Variants in SRGAP3 observed in about 807,000 individuals in gnomAD.
SRGAP3 encodes SLIT-ROBO Rho GTPase-activating protein 3.
A neutral mutation model predicts 121.1 loss-of-function variants in SRGAP3; 39 were observed. The observed-to-expected ratio is 0.32, with a 90% CI of 0.25 to 0.42. The LOEUF is 0.42. Among genes scored for constraint, SRGAP3 ranks in the 10% least tolerant of loss-of-function variants. The pLI is 1.00. For synonymous variants in SRGAP3, 601 were observed against 570.0 expected (o/e 1.05, Z -0.77); for missense variants, 1,213 against 1,470.6 (o/e 0.82, Z 2.86).
chr3:9,224,166 G>A lies in SRGAP3; in HGVS notation c.67+24719C>T, dbSNP rs181168578. Among the ~76,000 whole-genome samples, 8 of 152,198 alleles carry A rather than the reference G, an allele frequency of 5.3e-5. No individual in the cohort carries two copies. The East Asian group carries it at 7.7e-4, about 15-fold the overall frequency. ...ACAGCAACAGTCAGGTTTCGTCACC[G>A]AGTGCTACCCAAGCCAAGTTAATAG... On this transcript the variant is annotated intron_variant, in intron 1 of 21. Coordinates refer to ENST00000383836, the MANE Select transcript of SRGAP3 (RefSeq NM_014850.4).
At chr3:9,207,900 ATTG>A (rs1330714868) in intron 1 of SRGAP3, among the ~76,000 whole-genome samples, 1 of 152,102 alleles carries the variant, frequency 6.6e-6, no homozygotes, top group African/African-American at 2.4e-5. Flanking sequence ...CATGAGGGAT[ATTG>A]TTGTTGTTGC....
chr3:9,009,272 C>T (rs914460384), intron 18 of SRGAP3, among the ~76,000 whole-genome samples: 2 of 152,046 alleles, frequency 1.3e-5, no homozygotes, highest in Non-Finnish European at 2.9e-5. Flanking sequence ...ATGTGGTGGC[C>T]AACGTGTCCT....
intron 1 of SRGAP3, among the ~76,000 whole-genome samples, chr3:9,231,186 A>G (rs919397230): frequency 6.6e-6 from 1 of 152,234 alleles, no homozygotes; most frequent in African/African-American, 2.4e-5. Flanking sequence ...CTTTTGTCCA[A>G]GGAGCTCAGA....
chr3:9,067,049 G>A (rs1411577537), intron 4 of SRGAP3, among the ~76,000 whole-genome samples: 1 of 152,092 alleles, frequency 6.6e-6, no homozygotes, highest in African/African-American at 2.4e-5. Context: ...TGCTTGTTAT[G>A]AGCACTAAAT....
At chr3:9,004,864 G>T (rs183214041) in intron 18 of SRGAP3, among the ~76,000 whole-genome samples, 38 of 152,140 alleles carry the variant, frequency 2.5e-4, no homozygotes, top group Non-Finnish European at 4.1e-4. Context: ...TTCGGCAAAG[G>T]CCTCTTAGAT....
At chr3:9,273,851 T>C (rs1215297768) in intron 3 of SRGAP3, among the ~76,000 whole-genome samples, 1 of 152,200 alleles carries the variant, frequency 6.6e-6, no homozygotes, top group East Asian at 1.9e-4. Context: ...AAAAGATTAT[T>C]CTGTCTCCAC....
intron 2 of SRGAP3, among the ~76,000 whole-genome samples, chr3:9,107,162 T>C (rs1213343708): frequency 3.3e-5 from 5 of 152,200 alleles, no homozygotes; most frequent in African/African-American, 7.2e-5. Flanking sequence ...GCTTATAGCC[T>C]AGAGTAAAAG....
intron 1 of SRGAP3, among the ~76,000 whole-genome samples, chr3:9,208,767 T>C (rs1952347830): frequency 6.6e-6 from 1 of 152,218 alleles, no homozygotes; most frequent in Non-Finnish European, 1.5e-5. Flanking sequence ...TAATGTGAGT[T>C]TGAATCCCAT....
chr3:9,035,688 A>G, intron 11 of SRGAP3: 2 of 171,380 alleles, frequency 1.2e-5, no homozygotes, highest in East Asian at 2.2e-4. Context: ...GAAACCAGAG[A>G]CCAATGTCCC....
intron 2 of SRGAP3, among the ~76,000 whole-genome samples, chr3:9,328,416 G>A (rs1344158799): frequency 6.6e-6 from 1 of 152,198 alleles, no homozygotes; most frequent in Non-Finnish European, 1.5e-5. Context: ...GGTCTGTAGT[G>A]CCTCCTGTTT....
intron 14 of SRGAP3, among the ~76,000 whole-genome samples, chr3:9,017,231 AT>A (rs899541896): frequency 1.2e-4 from 18 of 151,916 alleles, no homozygotes; most frequent in African/African-American, 3.6e-4. Context: ...TAGAACTAGA[AT>A]TTTTTTTCAT....
In SRGAP3 at chr3:9,080,009, C is replaced by T. The variant is rs1230880936; in HGVS notation, c.486+16G>A. The T allele has an allele frequency of 1.2e-6, 2 of 1,613,988 alleles. No individual in the cohort carries two copies. On this transcript the variant is annotated intron_variant, in intron 4 of 21. Transcript: ENST00000383836. ...GACCCAATCCCAAAACAGCAGTGAG[C>T]CTGGGCAGAACTTACTGTGTAGAGC...
At position 9,181,743 on chromosome 3, in the gene SRGAP3, G is replaced by A. The variant is rs78799939; in HGVS notation, c.68-56826C>T. ...AAGTTATCATTTTTTAAAGGCCCAC[G>A]TGATTAGATAGGGACCGCTAGATAA... is the stretch of plus-strand genomic sequence containing the variant. On this transcript the variant is annotated intron_variant, in intron 1 of 21. Coordinates refer to ENST00000383836, the MANE Select transcript of SRGAP3 (RefSeq NM_014850.4). 1.6e-3 allele frequency among the ~76,000 whole-genome samples: 237 copies of A among 152,238 alleles called. 1 individual carries two copies. The highest frequency in any genetic ancestry group is 5.0e-3 in the African/African-American group (209 of 41,524).
Position 9,303,438 on chromosome 3 carries a change from A to G in SRGAP3, n.442+22572T>C, listed in dbSNP as rs1291863369. Among the ~76,000 whole-genome samples, 6 of 152,142 alleles carry G rather than the reference A, an allele frequency of 3.9e-5. No homozygotes were observed. In the East Asian group the frequency reaches 1.2e-3, roughly 29 times the overall value. On this transcript the variant is annotated intron_variant and non_coding_transcript_variant, in intron 3 of 3. Coordinates refer to the SRGAP3 transcript ENST00000490889. ...AGACTCCATCTCAAAAAAAAAAAAA[A>G]AAGAACACTTAACATAAGACCTACC...
At position 9,032,767 on chromosome 3, in the gene SRGAP3, A is replaced by G. The variant is rs1449693875; in HGVS notation, c.1437-15T>C. On this transcript the variant is annotated splice_polypyrimidine_tract_variant and intron_variant, in intron 11 of 21. Transcript: ENST00000383836. ...GACAGGGGGGCCTAGGGGAAAACGGAACAAAAGAAATCAAGAAAGCAACCA... is the reference window on the plus strand; with the variant it reads ...GACAGGGGGGCCTAGGGGAAAACGGGACAAAAGAAATCAAGAAAGCAACCA... 1 of 1,609,804 alleles carries G rather than the reference A, an allele frequency of 6.2e-7. No homozygotes were observed. Among genetic ancestry groups the G allele is most frequent in the South Asian group, 1.1e-5 (1 of 90,970 alleles).
At chr3:9,065,557 G>A (rs1007187372) in intron 4 of SRGAP3, 2 of 152,184 alleles carry the variant, frequency 1.3e-5, no homozygotes, top group African/African-American at 4.8e-5. Context: ...GATTGGTTTT[G>A]TGTGTTCTAG....
chr3:9,248,967 A>G lies in SRGAP3; in HGVS notation c.-16T>C. ...GAGATGACATCTTCTGACGTGGCCA[A>G]AGGAACTGACAGGCTGTTTGATTTA... On this transcript the variant is annotated 5_prime_UTR_variant, in exon 1 of 22. Transcript: ENST00000383836. 6.2e-7 allele frequency: 1 copy of G among 1,613,488 alleles called. No individual in the cohort carries two copies. Among genetic ancestry groups the G allele is most frequent in the Non-Finnish European group, 8.5e-7 (1 of 1,179,400 alleles).
intron 3 of SRGAP3, among the ~76,000 whole-genome samples, chr3:9,283,043 C>T (rs866242797): frequency 2.0e-5 from 3 of 151,448 alleles, no homozygotes; most frequent in Admixed American, 1.3e-4. Context: ...TGGGTTCAAG[C>T]GATTCTCCCG....
At chr3:9,045,218 G>T (rs1945204677) in intron 10 of SRGAP3, among the ~76,000 whole-genome samples, 2 of 147,694 alleles carry the variant, frequency 1.4e-5, no homozygotes, top group South Asian at 4.4e-4. Flanking sequence ...AACTTCTGTA[G>T]AACTGACCAG....
Sources: allele counts gnomAD v4.1 joint callset (sites outside exome capture counted in the v4.1 genomes callset), GRCh38; gene constraint gnomAD v4.1.1; transcripts MANE v1.5; gene names NCBI Gene and HGNC (gene_info 2026-07-23, HGNC 2026-07-21).